BRIP1: variants seen among roughly 807,000 people sequenced by gnomAD.
BRIP1 encodes the protein Fanconi anemia group J protein.
In BRIP1, 88 loss-of-function variants were observed where a neutral mutation model predicts 119.7. The ratio of observed to expected loss-of-function variants is 0.74; its 90% CI spans 0.62 to 0.88. BRIP1 has a LOEUF of 0.88. Among genes scored for constraint, BRIP1 ranks in the 40% least tolerant of loss-of-function variants. BRIP1 has a pLI of 0.00. For missense variants in BRIP1, 1,259 were observed against 1,455.4 expected, an observed-to-expected ratio of 0.87 and a Z score of 2.20; for synonymous variants, 443 against 496.5, an observed-to-expected ratio of 0.89 and a Z score of 1.43.
At chr17:61,819,185 CAAA>C (rs3034662) in intron 6 of BRIP1, among the ~76,000 whole-genome samples, 575 of 135,850 alleles carry the variant, frequency 4.2e-3, no homozygotes, top group African/African-American at 9.0e-3. Flanking sequence ...GAATTTGTCT[CAAA>C]AAAAAAAAAA....
chr17:61,721,482 G>A (rs1033505132), intron 16 of BRIP1, among the ~76,000 whole-genome samples: 2 of 150,260 alleles, frequency 1.3e-5, no homozygotes, highest in Non-Finnish European at 3.0e-5. Flanking sequence ...TGTTGACCAG[G>A]ATGGTCTCGA....
At chr17:61,788,563 A>G (rs2077768184) in intron 10 of BRIP1, among the ~76,000 whole-genome samples, 1 of 152,236 alleles carries the variant, frequency 6.6e-6, no homozygotes, top group African/African-American at 2.4e-5. Flanking sequence ...CCTACTATAT[A>G]TAAGCACTTT....
chr17:61,812,619 G>A (rs147514929), intron 6 of BRIP1, among the ~76,000 whole-genome samples: 16 of 150,816 alleles, frequency 1.1e-4, no homozygotes, highest in African/African-American at 3.2e-4. Flanking sequence ...AAAAAAACAG[G>A]AGATACATGT....
At chr17:61,711,435 G>A (rs2061772828) in intron 17 of BRIP1, among the ~76,000 whole-genome samples, 2 of 152,150 alleles carry the variant, frequency 1.3e-5, no homozygotes, top group South Asian at 4.1e-4. Context: ...CAGATGTGAT[G>A]CTTCAATAAC....
rs2061300384 is a variant in BRIP1, at chr17:61,683,444, A to G, written c.3602T>C (p.Ile1201Thr). 6.2e-7 allele frequency: 1 copy of G among 1,613,562 alleles called. No homozygotes were observed. The highest frequency in any genetic ancestry group is 8.5e-7 in the Non-Finnish European group (1 of 1,179,724). Residue 1201 changes from isoleucine (I) to threonine (T), a missense_variant, in exon 20 of 20, where the codon ATT becomes ACT. Transcript: ENST00000259008. This position sits in a 1 kb window ranked among gnomAD's most constrained non-coding sequence, Gnocchi z 4.7. ...AATGTCATCAATTTTACTTTCTTCA[A>G]TATGCAGAATTCCATTCAACTTTGT... ...IDTKLNGILH[I>T]EESKIDDIDG...
At position 61,743,376 on chromosome 17, in the gene BRIP1, C is replaced by G. The variant is rs1049964581; in HGVS notation, c.2258-242G>C. Among the ~76,000 whole-genome samples, 1 of 152,066 alleles carries G rather than the reference C, an allele frequency of 6.6e-6. No individual in the cohort carries two copies. The highest frequency in any genetic ancestry group is 2.4e-5 in the African/African-American group (1 of 41,410). On this transcript the variant is annotated intron_variant, in intron 15 of 19. Transcript: ENST00000259008. This position sits in a 1 kb window ranked among gnomAD's most constrained non-coding sequence, Gnocchi z 4.3. Reference sequence around the variant, plus strand: ...TACAAACTCTGCATCTTCCAGATAACTTATACAGTAAAAACATGTCAGAAT... The same window carrying G: ...TACAAACTCTGCATCTTCCAGATAAGTTATACAGTAAAAACATGTCAGAAT...
Position 61,768,600 on chromosome 17 carries a change from C to T in BRIP1, c.2097+7801G>A, listed in dbSNP as rs187439432. ...TTAATATTTTCATATGCCATAGTCA[C>T]AAATCTTTATTCTAATGGTTCTTCC... On this transcript the variant is annotated intron_variant, in intron 14 of 19. Transcript: ENST00000259008. The surrounding 1 kb of genome is among the most constrained non-coding windows in gnomAD (Gnocchi z 5.0). Among the ~76,000 whole-genome samples, 1 of 152,264 alleles carries T rather than the reference C, an allele frequency of 6.6e-6. No homozygotes were observed. Among genetic ancestry groups the T allele is most frequent in the East Asian group, 1.9e-4 (1 of 5,188 alleles).
chr17:61,840,782 T>A (rs2078647287), intron 6 of BRIP1, among the ~76,000 whole-genome samples: 1 of 151,974 alleles, frequency 6.6e-6, no homozygotes, highest in Non-Finnish European at 1.5e-5. Flanking sequence ...GCCAAAGTAA[T>A]AGTATGCAAA....
chr17:61,841,090 A>C lies in BRIP1; in HGVS notation c.627+6011T>G, dbSNP rs1016833441. Among the ~76,000 whole-genome samples, 4 of 152,238 alleles carry C rather than the reference A, an allele frequency of 2.6e-5. No individual in the cohort carries two copies. ...CTCAAAATAGATTAAAGACTTAAAC[A>C]TAAGACCCAAAACTATAAGACTACT... On this transcript the variant is annotated intron_variant, in intron 6 of 19. Coordinates refer to ENST00000259008, the MANE Select transcript of BRIP1 (RefSeq NM_032043.3). The surrounding 1 kb of genome is among the most constrained non-coding windows in gnomAD (Gnocchi z 4.1).
rs566119984 is a variant in BRIP1 at position 61,851,677 on chromosome 17, G to A, written c.380-2421C>T. On this transcript the variant is annotated intron_variant, in intron 4 of 19. Transcript: ENST00000259008. This position sits in a 1 kb window ranked among gnomAD's most constrained non-coding sequence, Gnocchi z 4.6. ...CTCTATATTTACACACAATAAATCCGTATATTTGGTGGATCAAATCTCTCA... is the reference window on the plus strand; with the variant it reads ...CTCTATATTTACACACAATAAATCCATATATTTGGTGGATCAAATCTCTCA... 1.0e-3 allele frequency among the ~76,000 whole-genome samples: 156 copies of A among 152,192 alleles called. 1 individual carries two copies. Among genetic ancestry groups the A allele is most frequent in the African/African-American group, 3.3e-3 (139 of 41,536 alleles).
Position 61,679,739 on chromosome 17 carries a change from C to T in BRIP1, c.*3557G>A, listed in dbSNP as rs765577025. On this transcript the variant is annotated 3_prime_UTR_variant, in exon 20 of 20. Coordinates refer to ENST00000259008, the MANE Select transcript of BRIP1 (RefSeq NM_032043.3). This position sits in a 1 kb window ranked among gnomAD's most constrained non-coding sequence, Gnocchi z 4.4. ...TAATAATGAATAACTTGCAATGTGC[C>T]AGGTGCTCTTTTAAAAGCATTTAGA... is the stretch of plus-strand genomic sequence containing the variant. Among the ~76,000 whole-genome samples, 1 of 152,040 alleles carries T rather than the reference C, an allele frequency of 6.6e-6. No individual in the cohort carries two copies. The highest frequency in any genetic ancestry group is 1.5e-5 in the Non-Finnish European group (1 of 67,996).
chr17:61,747,411 T>C (rs1006881890), intron 14 of BRIP1, among the ~76,000 whole-genome samples: 4 of 151,178 alleles, frequency 2.6e-5, no homozygotes, highest in Non-Finnish European at 4.4e-5. Flanking sequence ...TTTACCTAGA[T>C]TGGTTAAGGA....
Position 61,760,940 on chromosome 17 carries a change from A to G in BRIP1, c.2097+15461T>C, listed in dbSNP as rs959451978. On this transcript the variant is annotated intron_variant, in intron 14 of 19. Coordinates refer to ENST00000259008, the MANE Select transcript of BRIP1 (RefSeq NM_032043.3). This position sits in a 1 kb window ranked among gnomAD's most constrained non-coding sequence, Gnocchi z 4.6. Reference sequence around the variant, plus strand: ...ATCACCCTGATACCAAGGCCAGATAAGGACAATACAAGAAAAGAAAACTGT... The same window carrying G: ...ATCACCCTGATACCAAGGCCAGATAGGGACAATACAAGAAAAGAAAACTGT... Among the ~76,000 whole-genome samples, 2 of 152,062 alleles carry G rather than the reference A, an allele frequency of 1.3e-5. No individual in the cohort carries two copies. Among genetic ancestry groups the G allele is most frequent in the African/African-American group, 4.8e-5 (2 of 41,458 alleles).
intron 6 of BRIP1, among the ~76,000 whole-genome samples, chr17:61,836,315 T>G (rs1203890154): frequency 6.6e-6 from 1 of 151,960 alleles, no homozygotes; most frequent in Non-Finnish European, 1.5e-5. Context: ...AGGGTCTTGC[T>G]ATGTTGCCCA....
Position 61,681,747 on chromosome 17 carries a change from T to C in BRIP1, c.*1549A>G, listed in dbSNP as rs569331035. 1 of 198,244 alleles carries C rather than the reference T, an allele frequency of 5.0e-6. No homozygotes were observed. Among genetic ancestry groups the C allele is most frequent in the South Asian group, 1.9e-4 (1 of 5,188 alleles). The allele number at this position is 198,244 out of a possible 1,614,324, so 12.3% of individuals were successfully genotyped here. ...CTTGTCAATTTAAATGTCTTTGAAC[T>C]ACGCTTAGAGTTGTAACATCAAATG... On this transcript the variant is annotated 3_prime_UTR_variant, in exon 20 of 20. Transcript: ENST00000259008. The surrounding 1 kb of genome is among the most constrained non-coding windows in gnomAD (Gnocchi z 5.1).
At position 61,789,027 on chromosome 17, in the gene BRIP1, G is replaced by A. The variant is rs548395271; in HGVS notation, c.1473+4570C>T. ...CAAGAATTGCCTGAACCTGGGAGGCGGAGGTTGCAGTGGGCTGAGATCACA... is the reference window on the plus strand; with the variant it reads ...CAAGAATTGCCTGAACCTGGGAGGCAGAGGTTGCAGTGGGCTGAGATCACA... On this transcript the variant is annotated intron_variant, in intron 10 of 19. Transcript: ENST00000259008. This position sits in a 1 kb window ranked among gnomAD's most constrained non-coding sequence, Gnocchi z 4.8. Among the ~76,000 whole-genome samples the A allele has an allele frequency of 4.6e-5, 7 of 152,084 alleles. No individual in the cohort carries two copies. The East Asian group carries it at 9.7e-4, about 21-fold the overall frequency.
Position 61,736,552 on chromosome 17 carries a change from T to C in BRIP1, c.2379+6461A>G, listed in dbSNP as rs545413778. The stretch of plus-strand genomic sequence containing the variant: ...GTCATATCACTGTTTACTACCATCC[T>C]GTTCATTATTATCTAATGATTACTA... On this transcript the variant is annotated intron_variant, in intron 16 of 19. Coordinates refer to ENST00000259008, the MANE Select transcript of BRIP1 (RefSeq NM_032043.3). This position sits in a 1 kb window ranked among gnomAD's most constrained non-coding sequence, Gnocchi z 4.4. 2.7e-4 allele frequency among the ~76,000 whole-genome samples: 41 copies of C among 152,294 alleles called. No homozygotes were observed. Among genetic ancestry groups the C allele is most frequent in the African/African-American group, 7.7e-4 (32 of 41,568 alleles).
chr17:61,717,522 G>GT lies in BRIP1; in HGVS notation c.2380-1460dup, dbSNP rs1355715838. ...TTGATCAAGAATTCTAAATTGACAG[G>GT]TTTTTTCTTTTGTTAAAGACGGCTT... On this transcript the variant is annotated intron_variant, in intron 16 of 19. Transcript: ENST00000259008. This position sits in a 1 kb window ranked among gnomAD's most constrained non-coding sequence, Gnocchi z 4.1. Among the ~76,000 whole-genome samples the GT allele has an allele frequency of 2.6e-5, 4 of 152,002 alleles. No individual in the cohort carries two copies. The highest frequency in any genetic ancestry group is 5.9e-5 in the Non-Finnish European group (4 of 67,962).
chr17:61,830,655 A>C (rs2145615709), intron 6 of BRIP1, among the ~76,000 whole-genome samples: 1 of 152,340 alleles, frequency 6.6e-6, no homozygotes, highest in African/African-American at 2.4e-5. Flanking sequence ...ACTCATTTTT[A>C]AAATTAAATT....
Sources: allele counts gnomAD v4.1 joint callset (sites outside exome capture counted in the v4.1 genomes callset), GRCh38; gene constraint gnomAD v4.1.1; non-coding constraint Gnocchi (gnomAD v3.1); transcripts MANE v1.5; gene names NCBI Gene and HGNC (gene_info 2026-07-23, HGNC 2026-07-21).